The following RNF11 variants were observed in gnomAD, a reference collection of about 807,000 sequenced individuals.
RNF11 encodes ring finger protein 11.
In RNF11, 4 loss-of-function variants were observed where a neutral mutation model predicts 15.8. The ratio of observed to expected loss-of-function variants is 0.25; its 90% CI spans 0.12 to 0.58. RNF11 has a LOEUF of 0.58. Ranked by LOEUF, RNF11 falls within the 20% of genes least tolerant of loss-of-function variation. The pLI, the probability that RNF11 is intolerant of heterozygous loss-of-function variation, is 0.91. For synonymous variants in RNF11, 68 were observed against 72.3 expected (o/e 0.94, Z 0.30); for missense variants, 139 against 194.4 (o/e 0.71, Z 1.70).
intron 1 of RNF11, among the ~76,000 whole-genome samples, chr1:51,260,183 C>T (rs1354567397): frequency 1.3e-5 from 2 of 152,118 alleles, no homozygotes; most frequent in African/African-American, 2.4e-5. Flanking sequence ...TTTTTGGTAT[C>T]GTAAATGGTG....
Position 51,268,525 on chromosome 1 carries a change from G to A in RNF11, c.124-1431G>A, listed in dbSNP as rs148910983. Among the ~76,000 whole-genome samples the A allele has an allele frequency of 1.2e-3, 183 of 152,272 alleles. 1 individual carries two copies. Among genetic ancestry groups the A allele is most frequent in the African/African-American group, 3.8e-3 (160 of 41,562 alleles). On this transcript the variant is annotated intron_variant, in intron 1 of 2. Coordinates refer to ENST00000242719, the MANE Select transcript of RNF11 (RefSeq NM_014372.5). ...GTTCTGCTTTCTGTGTTCTCTACAC[G>A]TATGTGAACCACAAGACTGAAGAAA...
chr1:51,267,735 C>A (rs1020505667), intron 1 of RNF11, among the ~76,000 whole-genome samples: 1 of 152,116 alleles, frequency 6.6e-6, no homozygotes, highest in African/African-American at 2.4e-5. Flanking sequence ...AAATCCATAT[C>A]TTTTTTTGTT....
intron 1 of RNF11, among the ~76,000 whole-genome samples, chr1:51,240,142 A>G (rs1207193238): frequency 6.6e-6 from 1 of 151,914 alleles, no homozygotes; most frequent in African/African-American, 2.4e-5. Context: ...GTTTCATTCA[A>G]AGTAAAAATC....
chr1:51,240,183 A>G (rs1333992152), intron 1 of RNF11, among the ~76,000 whole-genome samples: 1 of 152,296 alleles, frequency 6.6e-6, no homozygotes, highest in East Asian at 1.9e-4. Flanking sequence ...TAAACCCTAC[A>G]TAATCTGTAC....
intron 1 of RNF11, among the ~76,000 whole-genome samples, chr1:51,262,747 T>TTTTG (rs1646936565): frequency 6.7e-6 from 1 of 150,012 alleles, no homozygotes; most frequent in Non-Finnish European, 1.5e-5. Context: ...TTTGTATTTT[T>TTTTG]AGTAGAGACA....
Position 51,255,545 on chromosome 1 carries a change from C to T in RNF11, c.124-14411C>T, listed in dbSNP as rs143144785. 3.9e-5 allele frequency among the ~76,000 whole-genome samples: 6 copies of T among 152,362 alleles called. No homozygotes were observed. The East Asian group carries it at 1.2e-3, about 29-fold the overall frequency. ...GTGTTGGGATTACAGGCGTGGGCGA[C>T]TGCACCCAGCTGTGTTTCACTTTCT... On this transcript the variant is annotated intron_variant, in intron 1 of 2. Coordinates refer to ENST00000242719, the MANE Select transcript of RNF11 (RefSeq NM_014372.5).
chr1:51,244,311 A>G lies in RNF11; in HGVS notation c.123+7432A>G, dbSNP rs369996756. 4.5e-4 allele frequency among the ~76,000 whole-genome samples: 68 copies of G among 152,258 alleles called. No homozygotes were observed. In the South Asian group the frequency reaches 0.013, roughly 28 times the overall value. On this transcript the variant is annotated intron_variant, in intron 1 of 2. Transcript: ENST00000242719. ...AATCCTGTGCTTTAGTGTTTGGCCT[A>G]TCACTTCTAATTTATAAAGTACGTT...
intron 1 of RNF11, among the ~76,000 whole-genome samples, chr1:51,262,715 C>CTTTTTTTTGT (rs1646936173): frequency 1.2e-5 from 1 of 84,084 alleles, no homozygotes; most frequent in African/African-American, 4.9e-5. Context: ...GCCTGCTAAT[C>CTTTTTTTTGT]TTTTTTTTTT....
chr1:51,250,601 T>C, intron 1 of RNF11: 1 of 672,878 alleles, frequency 1.5e-6, no homozygotes. Flanking sequence ...AAAAACCCTA[T>C]GTTGTAGCCA....
At chr1:51,255,088 TTTAA>T (rs1245109735) in intron 1 of RNF11, among the ~76,000 whole-genome samples, 2 of 152,192 alleles carry the variant, frequency 1.3e-5, no homozygotes, top group African/African-American at 2.4e-5. Flanking sequence ...CATTATTTTA[TTTAA>T]TTATCACATA....
chr1:51,252,192 G>A (rs1221178492), intron 1 of RNF11, among the ~76,000 whole-genome samples: 4 of 150,514 alleles, frequency 2.7e-5, no homozygotes, highest in East Asian at 1.9e-4. Flanking sequence ...GGCTTATTTC[G>A]TAAGAATGCA....
intron 1 of RNF11, among the ~76,000 whole-genome samples, chr1:51,252,805 TTGTGTGTG>T (rs145075866): frequency 4.5e-4 from 65 of 144,028 alleles, no homozygotes; most frequent in East Asian, 1.4e-3. Flanking sequence ...TTTGTCCAGT[TTGTGTGTG>T]TGTGTGTGTG....
At chr1:51,262,768 A>G (rs944368316) in intron 1 of RNF11, among the ~76,000 whole-genome samples, 2 of 129,638 alleles carry the variant, frequency 1.5e-5, no homozygotes, top group African/African-American at 3.1e-5. Flanking sequence ...AGGTTTGACC[A>G]TGTTGGCCAG....
intron 1 of RNF11, among the ~76,000 whole-genome samples, chr1:51,250,381 G>T (rs910733532): frequency 6.6e-6 from 1 of 152,176 alleles, no homozygotes; most frequent in Non-Finnish European, 1.5e-5. Context: ...TTATACAACA[G>T]ATCTCTGGAA....
rs1476539835 is a variant in RNF11, at chr1:51,272,469, T to C, written c.*1147T>C. 1.3e-5 allele frequency: 2 copies of C among 152,646 alleles called. No homozygotes were observed. The highest frequency in any genetic ancestry group is 1.3e-4 in the Admixed American group (2 of 15,288). The allele number at this position is 152,646 out of a possible 1,614,324, so 9.5% of individuals were successfully genotyped here. ...GGAGAATAAAGATAATTGTATTTTA[T>C]GTTTTGCACACAAACGCAGAATTTG... On this transcript the variant is annotated 3_prime_UTR_variant, in exon 3 of 3. Coordinates refer to ENST00000242719, the MANE Select transcript of RNF11 (RefSeq NM_014372.5).
rs1465868622 is a variant in RNF11, at chr1:51,272,785, T to A, written c.*1463T>A. 1 of 152,194 alleles carries A rather than the reference T, an allele frequency of 6.6e-6. No individual in the cohort carries two copies. The highest frequency in any genetic ancestry group is 1.5e-5 in the Non-Finnish European group (1 of 67,998). 9.4% of individuals were successfully genotyped at this position (152,194 alleles called of 1,614,324 possible). On this transcript the variant is annotated 3_prime_UTR_variant, in exon 3 of 3. Transcript: ENST00000242719. ...CTAACATCAGAAGTGTTTCTTATTA[T>A]TATTTTATATTGAGTTGAATATTGA...
intron 1 of RNF11, among the ~76,000 whole-genome samples, chr1:51,263,932 G>A (rs949574307): frequency 1.3e-5 from 2 of 151,950 alleles, no homozygotes; most frequent in African/African-American, 2.4e-5. Flanking sequence ...TCACCTTATC[G>A]TGATACTGTA....
At chr1:51,246,142 G>C (rs1215994768) in intron 1 of RNF11, among the ~76,000 whole-genome samples, 1 of 152,210 alleles carries the variant, frequency 6.6e-6, no homozygotes, top group Non-Finnish European at 1.5e-5. Context: ...GCACATGCCT[G>C]TAATCCCAGC....
chr1:51,273,146 T>C lies in RNF11; in HGVS notation c.*1824T>C, dbSNP rs1286975072. ...AATATTTTCTGATAATTGCTTTTTT[T>C]ATTCTTGTGTTTTCTACTTAAACAT... On this transcript the variant is annotated 3_prime_UTR_variant, in exon 3 of 3. Coordinates refer to ENST00000242719, the MANE Select transcript of RNF11 (RefSeq NM_014372.5). The C allele has an allele frequency of 1.3e-5, 2 of 152,236 alleles. No homozygotes were observed. The highest frequency in any genetic ancestry group is 2.9e-5 in the Non-Finnish European group (2 of 68,018). The allele number at this position is 152,236 out of a possible 1,614,324, so 9.4% of individuals were successfully genotyped here. A position where few individuals can be genotyped will look rare whatever the true frequency, so the allele number is the denominator to read the frequency against.
Sources: allele counts gnomAD v4.1 joint callset (sites outside exome capture counted in the v4.1 genomes callset), GRCh38; gene constraint gnomAD v4.1.1; transcripts MANE v1.5; gene names NCBI Gene and HGNC (gene_info 2026-07-23, HGNC 2026-07-21).